Variants in RABGAP1L observed in about 807,000 individuals in gnomAD.
RABGAP1L encodes RAB GTPase activating protein 1 like, also known as rab GTPase-activating protein 1-like.
A neutral mutation model predicts 137.7 loss-of-function variants in RABGAP1L; 63 were observed. The ratio of observed to expected loss-of-function variants is 0.46; its 90% CI spans 0.37 to 0.56. RABGAP1L has a LOEUF of 0.56. Among genes scored for constraint, RABGAP1L ranks in the 20% least tolerant of loss-of-function variants. The pLI, the probability that RABGAP1L is intolerant of heterozygous loss-of-function variation, is 0.00. For missense variants in RABGAP1L, 1,095 were observed against 1,244.0 expected (o/e 0.88, Z 1.80); for synonymous variants, 431 against 433.7 (o/e 0.99, Z 0.08).
chr1:174,372,798 T>C (rs139622025), intron 12 of RABGAP1L, among the ~76,000 whole-genome samples: 31 of 152,330 alleles, frequency 2.0e-4, no homozygotes, highest in African/African-American at 7.2e-4. Flanking sequence ...AGATTTATTT[T>C]CTTTACCTGG....
At position 174,993,552 on chromosome 1, in the gene RABGAP1L, A is replaced by C. The variant is rs758632794; in HGVS notation, c.*3551A>C. ...ATACAGATTTGGGCAGAGGAGATAG[A>C]GTTACATCTTTAAAGGAGTGAGCCA... On this transcript the variant is annotated 3_prime_UTR_variant, in exon 26 of 26. Coordinates refer to ENST00000681986, the MANE Select transcript of RABGAP1L (RefSeq NM_001366446.1). 1 of 152,194 alleles carries C rather than the reference A, an allele frequency of 6.6e-6. No individual in the cohort carries two copies. The highest frequency in any genetic ancestry group is 2.4e-5 in the African/African-American group (1 of 41,442). The allele number at this position is 152,194 out of a possible 1,614,324, so 9.4% of individuals were successfully genotyped here. A position where few individuals can be genotyped will look rare whatever the true frequency, so the allele number is the denominator to read the frequency against.
chr1:174,504,990 A>C (rs904169158), intron 13 of RABGAP1L, among the ~76,000 whole-genome samples: 51 of 152,192 alleles, frequency 3.4e-4, no homozygotes, highest in Non-Finnish European at 6.9e-4. Flanking sequence ...TTAATATCCA[A>C]AATATATAAG....
intron 13 of RABGAP1L, among the ~76,000 whole-genome samples, chr1:174,510,008 G>A (rs1486412445): frequency 1.3e-5 from 2 of 152,078 alleles, no homozygotes; most frequent in African/African-American, 2.4e-5. Flanking sequence ...TGATCTTCAC[G>A]TGCTGCTTCA....
intron 11 of RABGAP1L, among the ~76,000 whole-genome samples, chr1:174,336,234 C>G (rs1416351117): frequency 6.6e-6 from 1 of 152,168 alleles, no homozygotes; most frequent in African/African-American, 2.4e-5. Flanking sequence ...CATTGAACCT[C>G]CTGCTTCAGC....
chr1:174,349,925 TC>T (rs1682941925), intron 11 of RABGAP1L, among the ~76,000 whole-genome samples: 1 of 101,022 alleles, frequency 9.9e-6, no homozygotes, highest in Non-Finnish European at 2.0e-5. Flanking sequence ...CCCCCCCACC[TC>T]CCTCCCGGAC....
intron 13 of RABGAP1L, among the ~76,000 whole-genome samples, chr1:174,490,234 G>T (rs1660091604): frequency 6.6e-6 from 1 of 152,074 alleles, no homozygotes; most frequent in African/African-American, 2.4e-5. Context: ...TCTTGGGAAG[G>T]CTTTCCAGGA....
At chr1:174,640,663 C>G (rs1355758149) in intron 14 of RABGAP1L, among the ~76,000 whole-genome samples, 3 of 152,172 alleles carry the variant, frequency 2.0e-5, no homozygotes, top group South Asian at 2.1e-4. Context: ...ACATTAATAA[C>G]ACCTTGATCT....
In RABGAP1L at chr1:174,631,471, C is replaced by T. The variant is rs1416029748; in HGVS notation, c.1711-5904C>T. On this transcript the variant is annotated intron_variant, in intron 13 of 25. Transcript: ENST00000681986. ...CTTGTTGACTTTCTGTCTCATTGAT[C>T]TGTCTAATGTTGACAGTGGGGTGTT... 1.1e-4 allele frequency among the ~76,000 whole-genome samples: 10 copies of T among 87,984 alleles called. No individual in the cohort carries two copies. In the South Asian group the frequency reaches 1.8e-3, roughly 16 times the overall value. The allele number at this position is 87,984 out of a possible 152,430, so 57.7% of individuals were successfully genotyped here.
intron 19 of RABGAP1L, among the ~76,000 whole-genome samples, chr1:174,900,585 T>C (rs1253563781): frequency 6.6e-6 from 1 of 152,176 alleles, no homozygotes; most frequent in Non-Finnish European, 1.5e-5. Context: ...TTTAGGACAT[T>C]AGTGTGGATC....
At chr1:174,458,504 T>C (rs1252440712) in intron 13 of RABGAP1L, among the ~76,000 whole-genome samples, 1 of 152,108 alleles carries the variant, frequency 6.6e-6, no homozygotes, top group Non-Finnish European at 1.5e-5. Context: ...GGAAAATTTC[T>C]AGCATATGAA....
At chr1:174,882,631 A>G (rs1654418718) in intron 19 of RABGAP1L, among the ~76,000 whole-genome samples, 1 of 152,208 alleles carries the variant, frequency 6.6e-6, no homozygotes, top group Admixed American at 6.5e-5. Context: ...TGAGTCCTTA[A>G]AAGTAAATGT....
In RABGAP1L at chr1:174,394,028, G is replaced by A. The variant is rs1170616443; in HGVS notation, c.1593G>A (p.Leu531=). ...HSNLGARPKG[L]STLVKSGVPE... ...ACCTTGGTGCACGACCGAAAGGGCT[G>A]TCTACTCTGGTGAAGAGTGGTGTCC... Residue 531 remains leucine, a synonymous_variant, in exon 13 of 26, where the codon CTG becomes CTA. Transcript: ENST00000681986. 6.2e-7 allele frequency: 1 copy of A among 1,613,634 alleles called. No individual in the cohort carries two copies. The highest frequency in any genetic ancestry group is 2.2e-5 in the East Asian group (1 of 44,892).
chr1:174,396,975 C>CAAA (rs35904728), intron 13 of RABGAP1L, among the ~76,000 whole-genome samples: 1 of 93,150 alleles, frequency 1.1e-5, no homozygotes, highest in Non-Finnish European at 2.3e-5. Flanking sequence ...GCTGTCTCTA[C>CAAA]AAAAAAAAAA....
chr1:174,380,722 A>T (rs1686058155), intron 12 of RABGAP1L, among the ~76,000 whole-genome samples: 2 of 126,410 alleles, frequency 1.6e-5, no homozygotes, highest in Non-Finnish European at 1.7e-5. Context: ...AATTTTGTTG[A>T]TCCTTTCAAA....
chr1:174,209,236 C>A lies in RABGAP1L; in HGVS notation c.-33-9889C>A, dbSNP rs143550849. On this transcript the variant is annotated intron_variant, in intron 1 of 25. Coordinates refer to ENST00000681986, the MANE Select transcript of RABGAP1L (RefSeq NM_001366446.1). ...GGCCTTGTTCCTAACAGGCCTGGGA[C>A]CAGTATCAGTCTGTGGCCTGGGGGT... Among the ~76,000 whole-genome samples the A allele has an allele frequency of 2.8e-4, 42 of 152,256 alleles. 3 individuals are homozygous for A. The East Asian group carries it at 3.7e-3, about 13-fold the overall frequency.
At chr1:174,845,275 G>A (rs1240677726) in intron 19 of RABGAP1L, among the ~76,000 whole-genome samples, 4 of 109,622 alleles carry the variant, frequency 3.6e-5, no homozygotes, top group African/African-American at 8.7e-5. Context: ...GAATAGGAGC[G>A]GTGAGAGAGG....
At chr1:174,935,984 C>CAA (rs58215269) in intron 19 of RABGAP1L, among the ~76,000 whole-genome samples, 540 of 42,436 alleles carry the variant, frequency 0.013, 1 homozygote, top group African/African-American at 0.015. Context: ...TCCATCTCAC[C>CAA]AAAAAAAAAA....
At position 174,706,268 on chromosome 1, in the gene RABGAP1L, A is replaced by G. The variant is rs150193091; in HGVS notation, c.2169+4012A>G. On this transcript the variant is annotated intron_variant, in intron 17 of 25. Coordinates refer to ENST00000681986, the MANE Select transcript of RABGAP1L (RefSeq NM_001366446.1). ...CTGCTAATTATTAATAGTTTTATTT[A>G]AAGTATTTGCTTAAATCTGAATATA... Among the ~76,000 whole-genome samples, 200 of 152,292 alleles carry G rather than the reference A, an allele frequency of 1.3e-3. 1 individual carries two copies. The highest frequency in any genetic ancestry group is 4.5e-3 in the African/African-American group (188 of 41,570).
At chr1:174,958,394 A>T (rs1286376953) in intron 20 of RABGAP1L, among the ~76,000 whole-genome samples, 1 of 152,164 alleles carries the variant, frequency 6.6e-6, no homozygotes, top group Non-Finnish European at 1.5e-5. Context: ...TTTCCAAGTA[A>T]AATATTATCT....
Sources: gnomAD v4.1 joint callset for allele counts (sites outside exome capture counted in the v4.1 genomes callset) on GRCh38, gnomAD v4.1.1 for gene constraint, MANE v1.5 for transcripts, NCBI Gene and HGNC (gene_info 2026-07-23, HGNC 2026-07-21) for gene names.